PSIP1: variants seen among roughly 807,000 people sequenced by gnomAD.
The protein encoded by PSIP1 is PC4 and SRSF1 interacting protein 1, also known as PC4 and SFRS1-interacting protein.
In PSIP1, 19 loss-of-function variants were observed where a neutral mutation model predicts 74.7. That is an observed-to-expected ratio of 0.25 (90% CI 0.18 to 0.37). The LOEUF (loss-of-function observed/expected upper bound fraction) is 0.37. PSIP1 is among the 10% of genes least tolerant of loss of function. PSIP1 has a pLI of 1.00. For missense variants in PSIP1, 601 were observed against 614.3 expected (o/e 0.98, Z 0.23); for synonymous variants, 222 against 195.3 (o/e 1.14, Z -1.14).
chr9:15,478,481 C>A lies in PSIP1; in HGVS notation c.625G>T (p.Asp209Tyr). ...MVKQPCPSES[D>Y]IITEEDKSKK... ...ATACATTAAAAATAAACTCACATGT[C>A]ACTCTCTGAAGGACAGGGCTGTTTT... Residue 209 changes from aspartate to tyrosine, a missense_variant, in exon 8 of 16, where the codon GAC (aspartate) becomes TAC (tyrosine). Asp to Tyr is a radical substitution (Grantham distance 160). Around this residue, in one of 2 missense-constraint regions of PSIP1, gnomAD observed 538 missense variants for 507.6 expected, o/e 1.06. Coordinates refer to ENST00000380733, the MANE Select transcript of PSIP1 (RefSeq NM_033222.5). 2 of 1,581,452 alleles carry A rather than the reference C, an allele frequency of 1.3e-6. No individual in the cohort carries two copies. The highest frequency in any genetic ancestry group is 1.7e-6 in the Non-Finnish European group (2 of 1,151,440).
chr9:15,483,432 C>T (rs548451290), intron 6 of PSIP1, among the ~76,000 whole-genome samples: 9 of 151,434 alleles, frequency 5.9e-5, no homozygotes, highest in Non-Finnish European at 8.8e-5. Flanking sequence ...CTCTCGTCTA[C>T]ACCACTTAAA....
intron 10 of PSIP1, chr9:15,471,436 C>A: frequency 6.9e-7 from 1 of 1,444,164 alleles, no homozygotes; most frequent in African/African-American, 1.4e-5. Flanking sequence ...CTTTAAGATA[C>A]TAAAGAAGGG....
chr9:15,479,635 G>C lies in PSIP1; in HGVS notation c.509C>G (p.Ala170Gly), dbSNP rs946583944. 1.2e-6 allele frequency: 2 copies of C among 1,610,090 alleles called. No individual in the cohort carries two copies. The highest frequency in any genetic ancestry group is 2.7e-5 in the African/African-American group (2 of 74,636). ...AGGACTCACTTTTAGATTAACAGAT[G>C]CTGTTGCTGTTGTCACTACTCCTGC... Reference protein sequence around the residue: ...EEAGVVTTATASVNLKVSPKR... With the variant: ...EEAGVVTTATGSVNLKVSPKR... The change falls in exon 7 of 16, where the codon GCA (alanine) becomes GGA (glycine). Residue 170 changes from alanine (A) to glycine (G), a missense_variant. Ala to Gly is a moderately conservative substitution (Grantham distance 60). This residue lies in a region of PSIP1 where 538 missense variants were observed against 507.6 expected (regional missense o/e 1.06). Coordinates refer to ENST00000380733, the MANE Select transcript of PSIP1 (RefSeq NM_033222.5).
intron 8 of PSIP1, among the ~76,000 whole-genome samples, chr9:15,474,914 G>A (rs2036009659): frequency 2.6e-5 from 4 of 152,116 alleles, no homozygotes; most frequent in Admixed American, 1.3e-4. Flanking sequence ...CCTTTTAACT[G>A]TCCAAAGAAT....
At chr9:15,497,244 G>C (rs913351929) in intron 3 of PSIP1, among the ~76,000 whole-genome samples, 12 of 151,792 alleles carry the variant, frequency 7.9e-5, no homozygotes, top group Admixed American at 7.2e-4. Context: ...ATCACATCCA[G>C]GCTAGAGCAT....
chr9:15,484,266 G>C (rs2036462524), intron 6 of PSIP1, among the ~76,000 whole-genome samples: 1 of 148,456 alleles, frequency 6.7e-6, no homozygotes, highest in South Asian at 2.1e-4. Context: ...GATCAGCCTA[G>C]GCAACATAGC....
chr9:15,471,815 CTT>C, intron 10 of PSIP1: 2 of 954,692 alleles, frequency 2.1e-6, no homozygotes, highest in African/African-American at 3.5e-5. Flanking sequence ...TCATCATTAA[CTT>C]TGTCTTATTG....
chr9:15,472,979 C>G (rs2035906234), intron 9 of PSIP1, among the ~76,000 whole-genome samples: 1 of 152,130 alleles, frequency 6.6e-6, no homozygotes, highest in South Asian at 2.1e-4. Flanking sequence ...GAGTGATGTC[C>G]TTTGGATAAA....
rs760199566 is a variant in PSIP1, at chr9:15,510,185, T to A, written c.4A>T (p.Thr2Ser). Residue 2 changes from threonine to serine, a missense_variant, in exon 2 of 16, where the codon ACT becomes TCT. Transcript: ENST00000380733. M[T>S]RDFKPGDLIF... is the part of the protein sequence containing the mutation. ...AGGTCTCCAGGTTTGAAATCGCGAGTCATGTTTCGGGGGCGAGACCGGGGG... is the reference window on the plus strand; with the variant it reads ...AGGTCTCCAGGTTTGAAATCGCGAGACATGTTTCGGGGGCGAGACCGGGGG... The A allele has an allele frequency of 6.2e-7, 1 of 1,603,160 alleles. No individual in the cohort carries two copies. The highest frequency in any genetic ancestry group is 8.5e-7 in the Non-Finnish European group (1 of 1,175,286).
chr9:15,482,572 A>ATCTCCTCCTTGTTAAGTCAGT (rs2036381592), intron 6 of PSIP1, among the ~76,000 whole-genome samples: 1 of 152,048 alleles, frequency 6.6e-6, no homozygotes, highest in African/African-American at 2.4e-5. Context: ...TGAAACATCC[A>ATCTCCTCCTTGTTAAGTCAGT]TCTCCTCCTT....
Position 15,464,448 on chromosome 9 carries a change from G to C in PSIP1, c.*1072C>G, listed in dbSNP as rs185282469. ...TTTAGTTAACATACCCTTAAATTTT[G>C]TAACATTGATTTTACCCTGGATTTA... On this transcript the variant is annotated 3_prime_UTR_variant, in exon 16 of 16. Transcript: ENST00000380733. The C allele has an allele frequency of 1.8e-4, 36 of 199,634 alleles. No homozygotes were observed. The highest frequency in any genetic ancestry group is 6.0e-5 in the Admixed American group (1 of 16,562). 12.4% of individuals were successfully genotyped at this position (199,634 alleles called of 1,614,324 possible).
At chr9:15,494,968 T>C (rs1367473294) in intron 3 of PSIP1, among the ~76,000 whole-genome samples, 1 of 151,982 alleles carries the variant, frequency 6.6e-6, no homozygotes, top group African/African-American at 2.4e-5. Context: ...CAAACCCAAT[T>C]CAACACAAAT....
At position 15,471,666 on chromosome 9, in the gene PSIP1, C is replaced by T. The variant is rs953398713; in HGVS notation, c.977+966G>A. 10 of 954,152 alleles carry T rather than the reference C, an allele frequency of 1.0e-5. No individual in the cohort carries two copies. In the African/African-American group the frequency reaches 1.8e-4, roughly 17 times the overall value. 59.1% of individuals were successfully genotyped at this position (954,152 alleles called of 1,614,324 possible). A position where few individuals can be genotyped will look rare whatever the true frequency, so the allele number is the denominator to read the frequency against. On this transcript the variant is annotated intron_variant, in intron 10 of 15. Transcript: ENST00000380733. The stretch of plus-strand genomic sequence containing the variant: ...AGATAAGTTATTTAAATTACTCCCT[C>T]AAGGAGCTAAAACTACTTGTATATC...
intron 6 of PSIP1, among the ~76,000 whole-genome samples, chr9:15,481,153 C>A (rs1410186756): frequency 6.6e-6 from 1 of 152,170 alleles, no homozygotes; most frequent in East Asian, 1.9e-4. Flanking sequence ...TAAGAACTTA[C>A]AAAGTTGCCC....
At chr9:15,504,464 G>A (rs941032838) in intron 3 of PSIP1, among the ~76,000 whole-genome samples, 1 of 152,126 alleles carries the variant, frequency 6.6e-6, no homozygotes. Flanking sequence ...AGGATATATA[G>A]AAGTATAAAA....
At chr9:15,470,251 G>A (rs1167315514) in intron 10 of PSIP1, among the ~76,000 whole-genome samples, 3 of 151,952 alleles carry the variant, frequency 2.0e-5, no homozygotes, top group Admixed American at 6.6e-5. Flanking sequence ...GCAATTTCAG[G>A]GTCACTGGAC....
At chr9:15,473,904 C>CAAAAAAAAAACA (rs1259036775) in intron 9 of PSIP1, 105 bp downstream of exon 9, 37 of 654,248 alleles carry the variant, frequency 5.7e-5, no homozygotes, top group Admixed American at 1.4e-4. Flanking sequence ...CCATCTCAAA[C>CAAAAAAAAAACA]AAAAAAAAAA....
In PSIP1 at chr9:15,506,624, G is replaced by A; in HGVS notation, c.86C>T (p.Pro29Leu). ...TGTGGGTGGCTTTACAGCTCCATCA[G>A]GAACTTCGTCTACCTAAAAGAAAAG... ...PHWPARVDEV[P>L]DGAVKPPTNK... Residue 29 changes from proline to leucine, a missense_variant, in exon 3 of 16, where the codon CCT becomes CTT. Pro to Leu is a moderately conservative substitution (Grantham distance 98, BLOSUM62 -3). Around this residue, in one of 2 missense-constraint regions of PSIP1, gnomAD observed 63 missense variants for 106.7 expected, o/e 0.59. Coordinates refer to ENST00000380733, the MANE Select transcript of PSIP1 (RefSeq NM_033222.5). The A allele has an allele frequency of 6.2e-7, 1 of 1,611,004 alleles. No homozygotes were observed.
chr9:15,510,214 G>A lies in PSIP1; in HGVS notation c.-26C>T, dbSNP rs1465100331. The A allele has an allele frequency of 6.3e-7, 1 of 1,596,092 alleles. No individual in the cohort carries two copies. The highest frequency in any genetic ancestry group is 1.1e-5 in the South Asian group (1 of 89,258). On this transcript the variant is annotated 5_prime_UTR_variant, in exon 2 of 16. Transcript: ENST00000380733. ...GTTTCGGGGGCGAGACCGGGGGTCC[G>A]AAGCCCGGGAGGCGGCGAGGAGATG... is the stretch of plus-strand genomic sequence containing the variant.
Sources: allele counts gnomAD v4.1 joint callset (sites outside exome capture counted in the v4.1 genomes callset), GRCh38; gene constraint gnomAD v4.1.1; regional missense constraint gnomAD v4.1.1; transcripts MANE v1.5; gene names NCBI Gene and HGNC (gene_info 2026-07-23, HGNC 2026-07-21).